The following OTC variants were observed in gnomAD, a reference collection of about 807,000 sequenced individuals.
The protein encoded by OTC is ornithine transcarbamylase, mitochondrial.
In OTC, 3 loss-of-function variants were observed where a neutral mutation model predicts 30.3. The ratio of observed to expected loss-of-function variants is 0.10; its 90% CI spans 0.05 to 0.26. The LOEUF (loss-of-function observed/expected upper bound fraction) is 0.26. Ranked by LOEUF, OTC falls within the 10% of genes least tolerant of loss-of-function variation. The pLI, the probability that OTC is intolerant of heterozygous loss-of-function variation, is 1.00. For missense variants in OTC, 194 were observed against 260.3 expected (o/e 0.75, Z 1.75); for synonymous variants, 111 against 99.7 (o/e 1.11, Z -0.67).
At chrX:38,369,266 T>G (rs1408189131) in intron 2 of OTC, among the ~76,000 whole-genome samples, 1 of 112,173 alleles carries the variant, frequency 8.9e-6, no homozygotes, top group Non-Finnish European at 1.9e-5. Flanking sequence ...CAATTAATAC[T>G]GCTTTCTAAT....
chrX:38,401,883 A>G lies in OTC; in HGVS notation c.540+455A>G, dbSNP rs12855364. The stretch of plus-strand genomic sequence containing the variant: ...GGGACACTTTCTATCATTTTAATAA[A>G]CTGGTTATTTAAAGTAGGGTTAAGA... On this transcript the variant is annotated intron_variant, in intron 5 of 9. Coordinates refer to ENST00000039007, the MANE Select transcript of OTC (RefSeq NM_000531.6). 0.12 allele frequency among the ~76,000 whole-genome samples: 13,330 copies of G among 111,593 alleles called. 701 individuals carry two copies. Among genetic ancestry groups the G allele is most frequent in the Non-Finnish European group, 0.15 (8,103 of 53,043 alleles).
chrX:38,348,945 T>G (rs951716541), upstream of OTC, among the ~76,000 whole-genome samples: 4 of 111,769 alleles, frequency 3.6e-5, no homozygotes, highest in African/African-American at 9.8e-5. Context: ...ACAGAATAAC[T>G]GGGACTAAAC....
chrX:38,383,815 CAAAAAA>C (rs748723759), intron 4 of OTC, among the ~76,000 whole-genome samples: 2 of 65,260 alleles, frequency 3.1e-5, no homozygotes, highest in African/African-American at 1.0e-4. Flanking sequence ...AAAGAAAAGA[CAAAAAA>C]AAAAAAAAGA....
At chrX:38,342,583 C>G in the OTC span, among the ~76,000 whole-genome samples, 4 of 111,641 alleles carry the variant, frequency 3.6e-5, no homozygotes, top group Admixed American at 3.8e-4. Flanking sequence ...GTACTGCTTG[C>G]CAGATGATTC....
chrX:38,390,513 C>T (rs1602024484), intron 4 of OTC, among the ~76,000 whole-genome samples: 1 of 112,400 alleles, frequency 8.9e-6, no homozygotes, highest in African/African-American at 3.2e-5. Context: ...AACATCCTTC[C>T]TCTATCTCCC....
chrX:38,395,675 G>T, intron 4 of OTC: 1 of 150,995 alleles, frequency 6.6e-6, no homozygotes, highest in Non-Finnish European at 1.4e-5. Context: ...TCCCCCATTT[G>T]GACAGCAGGT....
chrX:38,373,485 T>C (rs1048419596), intron 3 of OTC: 1 of 112,813 alleles, frequency 8.9e-6, no homozygotes, highest in East Asian at 2.8e-4. Context: ...ATTGAGCTGA[T>C]AGACAGATAC....
At chrX:38,416,396 A>G (rs1344094517) in intron 9 of OTC, among the ~76,000 whole-genome samples, 2 of 111,896 alleles carry the variant, frequency 1.8e-5, no homozygotes, top group Non-Finnish European at 3.8e-5. Context: ...TTCAGTGATT[A>G]ATAAGGCAGT....
At chrX:38,367,685 T>G (rs1209308810) in intron 2 of OTC, among the ~76,000 whole-genome samples, 1 of 110,221 alleles carries the variant, frequency 9.1e-6, no homozygotes, top group African/African-American at 3.3e-5. Flanking sequence ...GGATCGAACC[T>G]AAGAAATCAT....
chrX:38,351,025 C>T (rs2068212353), upstream of OTC, among the ~76,000 whole-genome samples: 2 of 111,824 alleles, frequency 1.8e-5, no homozygotes, highest in South Asian at 3.7e-4. Context: ...TTCAAAGATG[C>T]TTTATTATGT....
chrX:38,413,665 A>ATTTTTT (rs11397097), intron 9 of OTC, among the ~76,000 whole-genome samples: 2 of 97,192 alleles, frequency 2.1e-5, no homozygotes, highest in Non-Finnish European at 2.1e-5. Context: ...TGGCACATCT[A>ATTTTTT]TTTTTTTTTT....
chrX:38,400,150 C>T (rs745633848), intron 4 of OTC, among the ~76,000 whole-genome samples: 2 of 111,152 alleles, frequency 1.8e-5, no homozygotes, highest in African/African-American at 6.6e-5. Context: ...TTCTCATGCT[C>T]TTAATTTGGT....
the OTC span, among the ~76,000 whole-genome samples, chrX:38,344,908 A>G: frequency 2.7e-5 from 3 of 109,835 alleles, no homozygotes; most frequent in Admixed American, 2.9e-4. Flanking sequence ...AAAAAAAAAA[A>G]GAAGAAGAAT....
chrX:38,401,162 T>G, intron 4 of OTC, 113 bp from the exon 5 acceptor site: 1 of 592,854 alleles, frequency 1.7e-6, no homozygotes. Context: ...TAGGTTTTCA[T>G]GTAGTAAAAA....
chrX:38,380,212 G>A lies in OTC; in HGVS notation c.299-1130G>A, dbSNP rs769916903. Among the ~76,000 whole-genome samples the A allele has an allele frequency of 7.2e-5, 8 of 111,822 alleles. No homozygotes were observed. The South Asian group carries it at 3.0e-3, about 42-fold the overall frequency. ...AAGGCTTCAGTAGGATGTTTCATGAGATTTTGAGTCAAATTCTCCTTTGTG... is the reference window on the plus strand; with the variant it reads ...AAGGCTTCAGTAGGATGTTTCATGAAATTTTGAGTCAAATTCTCCTTTGTG... On this transcript the variant is annotated intron_variant, in intron 3 of 9. Transcript: ENST00000039007.
At chrX:38,351,530 T>C (rs2068215806), upstream of OTC, among the ~76,000 whole-genome samples, 1 of 111,586 alleles carries the variant, frequency 9.0e-6, no homozygotes, top group African/African-American at 3.3e-5. Flanking sequence ...GCAAAGATGA[T>C]GTCATCTTCC....
At chrX:38,342,714 A>G in the OTC span, among the ~76,000 whole-genome samples, 2 of 111,868 alleles carry the variant, frequency 1.8e-5, no homozygotes, top group Non-Finnish European at 3.8e-5. Context: ...GAATAAATCA[A>G]TAATGGTGAA....
upstream of OTC, among the ~76,000 whole-genome samples, chrX:38,349,576 G>A (rs1194702271): frequency 8.9e-6 from 1 of 112,571 alleles, no homozygotes; most frequent in Non-Finnish European, 1.9e-5. Context: ...GAATGGCAAT[G>A]CACAAAGGTC....
At chrX:38,382,075 G>T (rs1161918437) in intron 4 of OTC, among the ~76,000 whole-genome samples, 1 of 112,050 alleles carries the variant, frequency 8.9e-6, no homozygotes, top group Non-Finnish European at 1.9e-5. Context: ...AGGTCAGTTT[G>T]GGTGTTAACA....
Sources: gnomAD v4.1 joint callset for allele counts (sites outside exome capture counted in the v4.1 genomes callset) on GRCh38, gnomAD v4.1.1 for gene constraint, MANE v1.5 for transcripts, NCBI Gene and HGNC (gene_info 2026-07-23, HGNC 2026-07-21) for gene names.